The following NRG3 variants were observed in gnomAD, a reference collection of about 807,000 sequenced individuals.
The protein encoded by NRG3 is pro-neuregulin-3, membrane-bound isoform.
NRG3 carries 31 observed loss-of-function variants against 66.9 expected under a neutral mutation model. That is an observed-to-expected ratio of 0.46 (90% confidence interval 0.35 to 0.63). The LOEUF is 0.63. Ranked by LOEUF, NRG3 falls within the 20% of genes least tolerant of loss-of-function variation. The probability of loss-of-function intolerance (pLI) is 0.00; values close to 1 mark genes in which losing one functional copy is unlikely to be tolerated. For missense variants in NRG3, 910 were observed against 878.9 expected (o/e 1.04, Z -0.45); for synonymous variants, 393 against 359.4 (o/e 1.09, Z -1.06).
chr10:82,233,184 G>A (rs1192796019), intron 1 of NRG3, among the ~76,000 whole-genome samples: 1 of 152,148 alleles, frequency 6.6e-6, no homozygotes, highest in Non-Finnish European at 1.5e-5. Flanking sequence ...CTAACACGGT[G>A]AAACTCCGTC....
At chr10:81,895,117 A>C (rs1843396620) in intron 1 of NRG3, among the ~76,000 whole-genome samples, 1 of 152,128 alleles carries the variant, frequency 6.6e-6, no homozygotes, top group Admixed American at 6.5e-5. Context: ...AACTATCTGC[A>C]CGGGTTGGTC....
At chr10:81,916,328 A>G (rs1424657544) in intron 1 of NRG3, among the ~76,000 whole-genome samples, 1 of 152,208 alleles carries the variant, frequency 6.6e-6, no homozygotes, top group Non-Finnish European at 1.5e-5. Context: ...TTTTGGTTAT[A>G]TAACCATATA....
chr10:82,573,732 TG>T (rs1415255667), intron 2 of NRG3, among the ~76,000 whole-genome samples: 1 of 151,782 alleles, frequency 6.6e-6, no homozygotes, highest in Admixed American at 6.6e-5. Context: ...ACAAATCTGC[TG>T]GTCTGCATGG....
intron 1 of NRG3, among the ~76,000 whole-genome samples, chr10:81,878,378 A>G (rs1349396908): frequency 6.6e-6 from 1 of 152,234 alleles, no homozygotes; most frequent in African/African-American, 2.4e-5. Flanking sequence ...TTGCATCTAT[A>G]AACAAGGGAA....
intron 2 of NRG3, among the ~76,000 whole-genome samples, chr10:82,637,957 A>G (rs1162784163): frequency 6.6e-6 from 1 of 152,216 alleles, no homozygotes; most frequent in African/African-American, 2.4e-5. Flanking sequence ...AATACACACT[A>G]GAGTACTTAA....
intron 1 of NRG3, among the ~76,000 whole-genome samples, chr10:82,298,299 G>A (rs1407300018): frequency 1.3e-5 from 2 of 151,726 alleles, no homozygotes; most frequent in African/African-American, 4.8e-5. Flanking sequence ...AGGAAGGAAG[G>A]AAGGTGTGGA....
At chr10:82,363,934 T>C (rs976961246) in intron 2 of NRG3, among the ~76,000 whole-genome samples, 13 of 152,310 alleles carry the variant, frequency 8.5e-5, no homozygotes, top group African/African-American at 3.1e-4. Context: ...CACTATGTCA[T>C]GTTAGGTATA....
intron 1 of NRG3, among the ~76,000 whole-genome samples, chr10:82,242,786 G>A (rs1169923334): frequency 5.9e-5 from 9 of 152,154 alleles, no homozygotes; most frequent in Admixed American, 5.9e-4. Context: ...TACATCTCAG[G>A]CAGGGAACCC....
At chr10:82,724,247 C>T (rs1259305268) in intron 2 of NRG3, among the ~76,000 whole-genome samples, 1 of 151,366 alleles carries the variant, frequency 6.6e-6, no homozygotes, top group Non-Finnish European at 1.5e-5. Flanking sequence ...GACCAGACCT[C>T]CCTTTCATCT....
chr10:82,713,997 TG>T, intron 2 of NRG3, among the ~76,000 whole-genome samples: 1 of 152,160 alleles, frequency 6.6e-6, no homozygotes, highest in Non-Finnish European at 1.5e-5. Flanking sequence ...GTATGCTGAA[TG>T]TACACCATAG....
intron 2 of NRG3, among the ~76,000 whole-genome samples, chr10:82,625,488 G>C (rs2049355803): frequency 6.6e-6 from 1 of 152,126 alleles, no homozygotes; most frequent in African/African-American, 2.4e-5. Context: ...TGTAAAACAT[G>C]ATATTATAGC....
intron 3 of NRG3, among the ~76,000 whole-genome samples, chr10:82,741,942 A>C (rs2134797091): frequency 6.6e-6 from 1 of 152,300 alleles, no homozygotes; most frequent in South Asian, 2.1e-4. Flanking sequence ...TAGAGATTTA[A>C]ATCCCTAATG....
intron 2 of NRG3, among the ~76,000 whole-genome samples, chr10:82,569,766 T>C (rs890118944): frequency 6.6e-6 from 1 of 151,700 alleles, no homozygotes; most frequent in Non-Finnish European, 1.5e-5. Context: ...AATTCCCATC[T>C]ATGTACAAAT....
chr10:82,385,972 A>G (rs111451384), intron 2 of NRG3, among the ~76,000 whole-genome samples: 1 of 152,298 alleles, frequency 6.6e-6, no homozygotes, highest in African/African-American at 2.4e-5. Context: ...AAAAAATAAA[A>G]CAGATAAATA....
chr10:82,485,062 G>T (rs754653659), intron 2 of NRG3, among the ~76,000 whole-genome samples: 14 of 152,144 alleles, frequency 9.2e-5, no homozygotes, highest in Non-Finnish European at 1.9e-4. Flanking sequence ...AAGATAATAT[G>T]TTTATAGCAC....
At chr10:82,164,712 A>C (rs1031438181) in intron 1 of NRG3, among the ~76,000 whole-genome samples, 1 of 152,202 alleles carries the variant, frequency 6.6e-6, no homozygotes, top group African/African-American at 2.4e-5. Context: ...AAAAGAAAAC[A>C]GTCAAGAAAA....
At chr10:82,190,819 C>A (rs1010326751) in intron 1 of NRG3, among the ~76,000 whole-genome samples, 3 of 152,166 alleles carry the variant, frequency 2.0e-5, no homozygotes, top group African/African-American at 7.2e-5. Flanking sequence ...AAGGTTTCCT[C>A]CCAACTGTAT....
At chr10:82,428,446 C>T (rs1001726502) in intron 2 of NRG3, among the ~76,000 whole-genome samples, 6 of 151,624 alleles carry the variant, frequency 4.0e-5, no homozygotes, top group African/African-American at 1.5e-4. Flanking sequence ...TCCTTTGACT[C>T]CTTTGTTATT....
At chr10:82,356,129 C>T (rs1298557932) in intron 1 of NRG3, among the ~76,000 whole-genome samples, 1 of 152,104 alleles carries the variant, frequency 6.6e-6, no homozygotes, top group Non-Finnish European at 1.5e-5. Flanking sequence ...TAGATGATAA[C>T]ATGATGGAGA....
Sources: gnomAD v4.1 joint callset for allele counts (sites outside exome capture counted in the v4.1 genomes callset) on GRCh38, gnomAD v4.1.1 for gene constraint, MANE v1.5 for transcripts, NCBI Gene and HGNC (gene_info 2026-07-23, HGNC 2026-07-21) for gene names.